The following TBC1D5 variants were observed in gnomAD, a reference collection of about 807,000 sequenced individuals.
TBC1D5 encodes TBC1 domain family member 5.
In TBC1D5, 75 loss-of-function variants were observed where a neutral mutation model predicts 100.3. The observed-to-expected ratio is 0.75, with a 90% CI of 0.62 to 0.91. The LOEUF is 0.91. Among genes scored for constraint, TBC1D5 ranks in the 40% least tolerant of loss-of-function variants. The probability of loss-of-function intolerance (pLI) is 0.00; values close to 1 mark genes in which losing one functional copy is unlikely to be tolerated. For synonymous variants in TBC1D5, 323 were observed against 325.6 expected (o/e 0.99, Z 0.09); for missense variants, 910 against 942.4 (o/e 0.97, Z 0.45).
intron 1 of TBC1D5, among the ~76,000 whole-genome samples, chr3:17,733,868 A>C (rs2076756926): frequency 6.6e-6 from 1 of 151,650 alleles, no homozygotes; most frequent in East Asian, 2.0e-4. Context: ...AGATTCAAAA[A>C]GCGACTGGTT....
intron 18 of TBC1D5, among the ~76,000 whole-genome samples, chr3:17,198,446 A>C (rs2071016138): frequency 6.6e-6 from 1 of 152,242 alleles, no homozygotes; most frequent in South Asian, 2.1e-4. Context: ...ATTAAATTTG[A>C]ATTTCATATA....
intron 3 of TBC1D5, among the ~76,000 whole-genome samples, chr3:17,455,848 T>C (rs1355412701): frequency 6.6e-6 from 1 of 151,572 alleles, no homozygotes; most frequent in East Asian, 1.9e-4. Flanking sequence ...AAAAACAAAA[T>C]AAAACAAAAA....
chr3:17,597,844 G>A (rs2060670722), intron 2 of TBC1D5, among the ~76,000 whole-genome samples: 1 of 152,076 alleles, frequency 6.6e-6, no homozygotes, highest in Admixed American at 6.5e-5. Context: ...AATGTAAAAC[G>A]AGAATTTTTT....
rs191980182 is a variant in TBC1D5 at position 17,631,461 on chromosome 3, A to G, written c.-100-7548T>C. 3.4e-3 allele frequency among the ~76,000 whole-genome samples: 521 copies of G among 152,368 alleles called. 3 individuals carry two copies. Among genetic ancestry groups the G allele is most frequent in the African/African-American group, 0.012 (506 of 41,588 alleles). On this transcript the variant is annotated intron_variant, in intron 1 of 21. Coordinates refer to ENST00000253692, the Ensembl canonical transcript of TBC1D5. ...TCCAGAATAGTTAAGATAACTGATGAAGGTGGCTACACTGAATAACAGATA... is the reference window on the plus strand; with the variant it reads ...TCCAGAATAGTTAAGATAACTGATGGAGGTGGCTACACTGAATAACAGATA...
intron 2 of TBC1D5, among the ~76,000 whole-genome samples, chr3:17,509,970 G>C (rs2095885158): frequency 6.6e-6 from 1 of 151,824 alleles, no homozygotes; most frequent in South Asian, 2.1e-4. Context: ...ATGTCCCTAA[G>C]ATGCAAATTA....
intron 3 of TBC1D5, among the ~76,000 whole-genome samples, chr3:17,464,209 C>T (rs985648592): frequency 6.6e-6 from 1 of 152,076 alleles, no homozygotes; most frequent in African/African-American, 2.4e-5. Flanking sequence ...ATCTTCCCGT[C>T]TCGGCCTCCC....
intron 17 of TBC1D5, among the ~76,000 whole-genome samples, chr3:17,230,140 T>C (rs1197268216): frequency 6.6e-6 from 1 of 151,786 alleles, no homozygotes; most frequent in Non-Finnish European, 1.5e-5. Flanking sequence ...CCATTTTTTG[T>C]TTTTTTTGGT....
intron 3 of TBC1D5, among the ~76,000 whole-genome samples, chr3:17,468,473 T>C (rs75456679): frequency 0.022 from 3,392 of 152,336 alleles, 121 homozygotes; most frequent in African/African-American, 0.076. Flanking sequence ...AATTGCAATA[T>C]TGCAATATTC....
intron 2 of TBC1D5, among the ~76,000 whole-genome samples, chr3:17,508,819 T>C (rs545614573): frequency 2.6e-5 from 4 of 152,254 alleles, no homozygotes; most frequent in Admixed American, 6.5e-5. Flanking sequence ...AATCTGAGCA[T>C]CATTTATAAT....
At chr3:17,255,732 A>G (rs1574982074) in intron 16 of TBC1D5, among the ~76,000 whole-genome samples, 1 of 152,110 alleles carries the variant, frequency 6.6e-6, no homozygotes, top group African/African-American at 2.4e-5. Flanking sequence ...TTATTTGTCA[A>G]TTAAAAATTT....
At chr3:17,443,023 A>C (rs2094701704) in intron 3 of TBC1D5, among the ~76,000 whole-genome samples, 1 of 152,200 alleles carries the variant, frequency 6.6e-6, no homozygotes, top group East Asian at 1.9e-4. Context: ...TTTCATAACA[A>C]ATTATTCAAA....
intron 3 of TBC1D5, among the ~76,000 whole-genome samples, chr3:17,475,443 T>A (rs2095427152): frequency 6.6e-6 from 1 of 152,074 alleles, no homozygotes; most frequent in Non-Finnish European, 1.5e-5. Flanking sequence ...TTTCCATCAA[T>A]TTCCAACACT....
intron 2 of TBC1D5, among the ~76,000 whole-genome samples, chr3:17,557,938 C>T (rs1214553654): frequency 6.6e-6 from 1 of 152,122 alleles, no homozygotes; most frequent in East Asian, 1.9e-4. Flanking sequence ...TTACCCAGCA[C>T]AATCATGTTA....
intron 3 of TBC1D5, among the ~76,000 whole-genome samples, chr3:17,501,042 ATT>A (rs1287463521): frequency 6.7e-6 from 1 of 149,516 alleles, no homozygotes; most frequent in East Asian, 1.9e-4. Context: ...AAATCCACGT[ATT>A]TTTTATCCTT....
At chr3:17,455,184 G>A (rs1231995304) in intron 3 of TBC1D5, among the ~76,000 whole-genome samples, 3 of 126,780 alleles carry the variant, frequency 2.4e-5, no homozygotes, top group African/African-American at 7.2e-5. Context: ...ACACACACAC[G>A]TGTGTGTGTA....
Position 17,334,162 on chromosome 3 carries a change from T to A in TBC1D5, c.996-26028A>T, listed in dbSNP as rs528522385. Among the ~76,000 whole-genome samples the A allele has an allele frequency of 8.5e-5, 13 of 152,050 alleles. No homozygotes were observed. The South Asian group carries it at 2.7e-3, about 32-fold the overall frequency. ...CTTGAGGTGGTGTGGTCGCTGGAAA[T>A]ATGACCGTGAGAGTGAGTAGCTTGA... is the stretch of plus-strand genomic sequence containing the variant. On this transcript the variant is annotated intron_variant, in intron 13 of 21. Coordinates refer to ENST00000253692, the Ensembl canonical transcript of TBC1D5.
chr3:17,711,772 T>C (rs2074758784), intron 1 of TBC1D5, among the ~76,000 whole-genome samples: 1 of 152,224 alleles, frequency 6.6e-6, no homozygotes, highest in Admixed American at 6.5e-5. Flanking sequence ...TATCTCCTAC[T>C]GATGTATTTA....
chr3:17,671,157 G>T (rs1298957470), intron 1 of TBC1D5, among the ~76,000 whole-genome samples: 1 of 152,112 alleles, frequency 6.6e-6, no homozygotes, highest in Non-Finnish European at 1.5e-5. Context: ...CACACAATAA[G>T]AATATTTTTC....
chr3:17,694,349 A>G (rs1264262719), intron 1 of TBC1D5, among the ~76,000 whole-genome samples: 2 of 152,242 alleles, frequency 1.3e-5, no homozygotes, highest in African/African-American at 4.8e-5. Flanking sequence ...AAAACCTTGA[A>G]AAAATGTTAG....
Sources: gnomAD v4.1 joint callset for allele counts (sites outside exome capture counted in the v4.1 genomes callset) on GRCh38, gnomAD v4.1.1 for gene constraint, MANE v1.5 for transcripts, NCBI Gene and HGNC (gene_info 2026-07-23, HGNC 2026-07-21) for gene names.